The following DSCAML1 variants were observed in gnomAD, a reference collection of about 807,000 sequenced individuals.
DSCAML1 encodes cell adhesion molecule DSCAML1.
Under a neutral mutation model 200.5 loss-of-function variants are expected in DSCAML1, and 38 were observed. That is an observed-to-expected ratio of 0.19 (90% CI 0.15 to 0.25). The LOEUF (loss-of-function observed/expected upper bound fraction) is 0.25. Among genes scored for constraint, DSCAML1 ranks in the 10% least tolerant of loss-of-function variants. The pLI is 1.00. For synonymous variants in DSCAML1, 1,215 were observed against 1,165.0 expected (o/e 1.04, Z -0.87); for missense variants, 2,223 against 2,858.8 (o/e 0.78, Z 5.07).
intron 3 of DSCAML1, among the ~76,000 whole-genome samples, chr11:117,641,181 G>C (rs983809035): frequency 1.3e-5 from 2 of 152,194 alleles, no homozygotes; most frequent in African/African-American, 4.8e-5. Context: ...CAGATGCCAG[G>C]ACTGGGGACT....
intron 11 of DSCAML1, among the ~76,000 whole-genome samples, chr11:117,493,742 C>T (rs887536509): frequency 6.6e-6 from 1 of 152,180 alleles, no homozygotes; most frequent in Non-Finnish European, 1.5e-5. Context: ...ATCCTCCTGC[C>T]TCAGCCTCCT....
chr11:117,718,682 C>G lies in DSCAML1; in HGVS notation c.511+58109G>C, dbSNP rs76350395. On this transcript the variant is annotated intron_variant, in intron 3 of 32. Coordinates refer to ENST00000651296, the MANE Select transcript of DSCAML1 (RefSeq NM_020693.4). ...GAATACTCAAAACCCCCCCCCCCCC[C>G]CATCATATGAGACCTTTAAAAAATC... is the stretch of plus-strand genomic sequence containing the variant. Among the ~76,000 whole-genome samples, 410 of 106,426 alleles carry G rather than the reference C, an allele frequency of 3.9e-3. 11 individuals carry two copies. The highest frequency in any genetic ancestry group is 0.013 in the African/African-American group (388 of 29,766). 69.8% of individuals were successfully genotyped at this position (106,426 alleles called of 152,430 possible). A position where few individuals can be genotyped will look rare whatever the true frequency, so the allele number is the denominator to read the frequency against.
At chr11:117,814,026 A>T (rs893517377) in intron 1 of DSCAML1, among the ~76,000 whole-genome samples, 6 of 152,132 alleles carry the variant, frequency 3.9e-5, no homozygotes, top group African/African-American at 1.4e-4. Context: ...AACTGATGAC[A>T]TTCCACCATT....
intron 3 of DSCAML1, among the ~76,000 whole-genome samples, chr11:117,751,843 G>A (rs2054610855): frequency 6.6e-6 from 1 of 152,174 alleles, no homozygotes; most frequent in Non-Finnish European, 1.5e-5. Flanking sequence ...CAGGGAAAGA[G>A]GTTTTCCTTG....
At chr11:117,436,932 G>A (rs369398923) in intron 26 of DSCAML1, among the ~76,000 whole-genome samples, 190 bp downstream of exon 26, 1 of 152,120 alleles carries the variant, frequency 6.6e-6, no homozygotes, top group African/African-American at 2.4e-5. Flanking sequence ...GCATCTGCCC[G>A]CTTACCTGGC....
intron 29 of DSCAML1, 103 bp from the exon 30 acceptor site, chr11:117,432,607 G>T: frequency 7.4e-7 from 1 of 1,351,262 alleles, no homozygotes; most frequent in Non-Finnish European, 1.0e-6. Context: ...TGTGTTTTTT[G>T]TTTGTGGATT....
intron 3 of DSCAML1, among the ~76,000 whole-genome samples, chr11:117,576,995 T>C (rs111592203): frequency 2.8e-4 from 43 of 152,336 alleles, no homozygotes; most frequent in African/African-American, 1.0e-3. Context: ...TGATTGAGAA[T>C]TTAATTTCTT....
chr11:117,769,089 T>C (rs1462890958), intron 3 of DSCAML1, among the ~76,000 whole-genome samples: 2 of 129,626 alleles, frequency 1.5e-5, no homozygotes, highest in East Asian at 2.0e-4. Context: ...CTATATATAA[T>C]ATATATTTTA....
intron 3 of DSCAML1, among the ~76,000 whole-genome samples, chr11:117,555,514 G>A (rs935778635): frequency 6.6e-6 from 1 of 152,198 alleles, no homozygotes; most frequent in Non-Finnish European, 1.5e-5. Flanking sequence ...GGTTGCAGTT[G>A]AGCTGGGTCC....
intron 11 of DSCAML1, among the ~76,000 whole-genome samples, chr11:117,488,692 C>G (rs1337648394): frequency 6.6e-6 from 1 of 152,204 alleles, no homozygotes; most frequent in South Asian, 2.1e-4. Flanking sequence ...ATGCAATGAT[C>G]AATTGCATGT....
chr11:117,715,579 C>T (rs558450658), intron 3 of DSCAML1, among the ~76,000 whole-genome samples: 15 of 152,278 alleles, frequency 9.9e-5, no homozygotes, highest in Admixed American at 2.6e-4. Context: ...CTGGTGATGC[C>T]GATTTTGTCT....
intron 8 of DSCAML1, among the ~76,000 whole-genome samples, chr11:117,512,876 GC>G (rs1333288847): frequency 2.0e-5 from 3 of 151,282 alleles, no homozygotes; most frequent in Non-Finnish European, 2.9e-5. Context: ...ATCACAACAG[GC>G]CCAGCGAGTC....
intron 14 of DSCAML1, among the ~76,000 whole-genome samples, chr11:117,479,095 G>T (rs1171781742): frequency 6.6e-6 from 1 of 152,240 alleles, no homozygotes; most frequent in Non-Finnish European, 1.5e-5. Flanking sequence ...ACCAACACTT[G>T]CTGAGCATCT....
At chr11:117,678,807 G>A (rs1010969894) in intron 3 of DSCAML1, among the ~76,000 whole-genome samples, 12 of 152,240 alleles carry the variant, frequency 7.9e-5, no homozygotes, top group Non-Finnish European at 1.6e-4. Context: ...CAGGGCGTAG[G>A]GCCAGGCTGA....
intron 11 of DSCAML1, among the ~76,000 whole-genome samples, chr11:117,492,503 G>C (rs1473334422): frequency 2.6e-5 from 4 of 152,196 alleles, no homozygotes; most frequent in African/African-American, 9.7e-5. Context: ...GAGCCCGTGT[G>C]TTCAAGGCTC....
chr11:117,471,965 G>A lies in DSCAML1; in HGVS notation c.2857C>T (p.His953Tyr), dbSNP rs2048696059. Reference protein sequence around the residue: ...TINQANIVDLHPASVYSIRMY... With the variant: ...TINQANIVDLYPASVYSIRMY... ...CGGATGCTGTACACAGATGCCGGGT[G>A]CAAGTCCACAATGTTGGCCTGGTTG... The change falls in exon 15 of 33, where the codon CAC becomes TAC. Residue 953 changes from histidine (H) to tyrosine (Y), a missense_variant. Coordinates refer to ENST00000651296, the MANE Select transcript of DSCAML1 (RefSeq NM_020693.4). 4 of 1,614,064 alleles carry A rather than the reference G, an allele frequency of 2.5e-6. No individual in the cohort carries two copies. The highest frequency in any genetic ancestry group is 3.4e-6 in the Non-Finnish European group (4 of 1,180,032).
Position 117,532,172 on chromosome 11 carries a change from C to T in DSCAML1, c.658+204G>A, listed in dbSNP as rs186211709. Among the ~76,000 whole-genome samples the T allele has an allele frequency of 2.7e-3, 413 of 150,842 alleles. 3 individuals are homozygous for T. The highest frequency in any genetic ancestry group is 9.2e-3 in the African/African-American group (375 of 40,884). On this transcript the variant is annotated intron_variant, in intron 4 of 32. Coordinates refer to ENST00000651296, the MANE Select transcript of DSCAML1 (RefSeq NM_020693.4). Reference sequence around the variant, plus strand: ...AAAAAGGGAAAAAGAGGGTGAGTCTCGTAGCCTCATTATTTGAAAATGAAA... The same window carrying T: ...AAAAAGGGAAAAAGAGGGTGAGTCTTGTAGCCTCATTATTTGAAAATGAAA...
chr11:117,607,561 G>C (rs1215423153), intron 3 of DSCAML1, among the ~76,000 whole-genome samples: 2 of 152,224 alleles, frequency 1.3e-5, no homozygotes, highest in African/African-American at 2.4e-5. Context: ...TGCAGGCAGG[G>C]CTGTGGAGGC....
At chr11:117,467,591 A>G (rs144089393) in intron 16 of DSCAML1, among the ~76,000 whole-genome samples, 315 of 152,318 alleles carry the variant, frequency 2.1e-3, no homozygotes, top group African/African-American at 7.3e-3. Context: ...TTAATTTAAC[A>G]TAATTGTTTT....
Sources: gnomAD v4.1 joint callset for allele counts (sites outside exome capture counted in the v4.1 genomes callset) on GRCh38, gnomAD v4.1.1 for gene constraint, MANE v1.5 for transcripts, NCBI Gene and HGNC (gene_info 2026-07-23, HGNC 2026-07-21) for gene names.